Variants in PPP6R3 observed in about 807,000 individuals in gnomAD.
PPP6R3 encodes protein phosphatase 6 regulatory subunit 3, also known as serine/threonine-protein phosphatase 6 regulatory subunit 3.
A neutral mutation model predicts 110.7 loss-of-function variants in PPP6R3; 38 were observed. The observed-to-expected ratio is 0.34, with a 90% CI of 0.26 to 0.45. The LOEUF (loss-of-function observed/expected upper bound fraction) is 0.45. Ranked by LOEUF, PPP6R3 falls within the 20% of genes least tolerant of loss-of-function variation. PPP6R3 has a pLI of 1.00. For synonymous variants in PPP6R3, 369 were observed against 373.5 expected, an observed-to-expected ratio of 0.99 and a Z score of 0.14; for missense variants, 870 against 1,062.4, an observed-to-expected ratio of 0.82 and a Z score of 2.52.
chr11:68,552,459 T>C (rs186422645), intron 6 of PPP6R3, among the ~76,000 whole-genome samples: 1 of 152,340 alleles, frequency 6.6e-6, no homozygotes, highest in East Asian at 1.9e-4. Context: ...TTATCCCTCT[T>C]TGGGAGAATG....
intron 3 of PPP6R3, among the ~76,000 whole-genome samples, chr11:68,543,964 A>G (rs911772449): frequency 6.6e-6 from 1 of 152,172 alleles, no homozygotes; most frequent in Non-Finnish European, 1.5e-5. Flanking sequence ...GTGTGGGTCC[A>G]TATAGAGCAG....
chr11:68,536,964 A>G (rs1017129830), intron 2 of PPP6R3, among the ~76,000 whole-genome samples: 8 of 152,288 alleles, frequency 5.3e-5, no homozygotes, highest in African/African-American at 1.9e-4. Context: ...TTATATTTCC[A>G]TTTGTAACAA....
chr11:68,555,410 CATGTAATTTAAA>C (rs1406055977), intron 7 of PPP6R3, among the ~76,000 whole-genome samples: 2 of 152,186 alleles, frequency 1.3e-5, no homozygotes, highest in Non-Finnish European at 2.9e-5. Flanking sequence ...ATCAAAGCCA[CATGTAATTTAAA>C]ATGTTTTTGC....
At chr11:68,544,725 G>C (rs967950189) in intron 3 of PPP6R3, 113 bp from the exon 4 acceptor site, 2 of 700,474 alleles carry the variant, frequency 2.9e-6, no homozygotes, top group Non-Finnish European at 4.5e-6. Context: ...CTGATTTCCA[G>C]TAAACGATTT....
At chr11:68,539,750 C>CTA (rs1565696378) in intron 3 of PPP6R3, among the ~76,000 whole-genome samples, 1 of 152,156 alleles carries the variant, frequency 6.6e-6, no homozygotes, top group African/African-American at 2.4e-5. Flanking sequence ...GTAAACCAGA[C>CTA]TAAAAAGTCC....
chr11:68,477,737 A>ATATATATATATATAT (rs1555021085), intron 1 of PPP6R3, among the ~76,000 whole-genome samples: 2 of 64,570 alleles, frequency 3.1e-5, no homozygotes, highest in Admixed American at 1.5e-4. Flanking sequence ...TTAAAAAAAA[A>ATATATATATATATAT]AAAAATATAT....
chr11:68,525,306 T>C (rs1458981940), intron 2 of PPP6R3, among the ~76,000 whole-genome samples: 3 of 152,202 alleles, frequency 2.0e-5, no homozygotes, highest in African/African-American at 7.2e-5. Flanking sequence ...AAATTATGTT[T>C]CCACCTTTAT....
intron 16 of PPP6R3, among the ~76,000 whole-genome samples, chr11:68,589,706 G>C (rs1022855284): frequency 6.6e-6 from 1 of 152,234 alleles, no homozygotes; most frequent in Non-Finnish European, 1.5e-5. Context: ...TCAATAATTT[G>C]TTGAACCACA....
chr11:68,544,287 C>G (rs1329004641), intron 3 of PPP6R3, among the ~76,000 whole-genome samples: 2 of 152,144 alleles, frequency 1.3e-5, no homozygotes, highest in Non-Finnish European at 2.9e-5. Context: ...TCCTGTTCCC[C>G]CCTTCATTAT....
intron 7 of PPP6R3, 44 bp downstream of exon 7, chr11:68,554,301 T>G (rs749722046): frequency 7.1e-7 from 1 of 1,408,662 alleles, no homozygotes; most frequent in South Asian, 1.2e-5. Context: ...ATATTGATGC[T>G]GTTCCATGTG....
At chr11:68,529,597 C>G (rs1389846160) in intron 2 of PPP6R3, among the ~76,000 whole-genome samples, 1 of 152,148 alleles carries the variant, frequency 6.6e-6, no homozygotes, top group Non-Finnish European at 1.5e-5. Flanking sequence ...CAAGATCTAG[C>G]TCTTTGCATT....
At chr11:68,488,974 A>G (rs1207252242) in intron 1 of PPP6R3, 1 of 151,046 alleles carries the variant, frequency 6.6e-6, no homozygotes, top group Non-Finnish European at 1.5e-5. Context: ...GATTATTGAT[A>G]TAGTTGTATT....
At chr11:68,519,468 A>T (rs2099153214) in intron 1 of PPP6R3, 33 bp from the exon 2 acceptor site, 1 of 395,860 alleles carries the variant, frequency 2.5e-6, no homozygotes, top group Admixed American at 4.4e-5. Flanking sequence ...AAGAGAACAT[A>T]TGTGATTATC....
chr11:68,614,678 G>A lies in PPP6R3; in HGVS notation c.*1561G>A. Reference sequence around the variant, plus strand: ...CCCAGGACAGTGGAGTCAGCAGTAAGCCCTGGGACAGGTGGCAAGGGTGGG... The same window carrying A: ...CCCAGGACAGTGGAGTCAGCAGTAAACCCTGGGACAGGTGGCAAGGGTGGG... On this transcript the variant is annotated 3_prime_UTR_variant, in exon 24 of 24. Coordinates refer to ENST00000393800, the MANE Select transcript of PPP6R3 (RefSeq NM_001164161.2). The A allele has an allele frequency of 6.6e-7, 1 of 1,523,054 alleles. No homozygotes were observed. The allele number at this position is 1,523,054 out of a possible 1,614,324, so 94.3% of individuals were successfully genotyped here. A position where few individuals can be genotyped will look rare whatever the true frequency, so the allele number is the denominator to read the frequency against.
chr11:68,609,642 T>C (rs142082712), intron 22 of PPP6R3: 3 of 1,553,638 alleles, frequency 1.9e-6, no homozygotes, highest in East Asian at 4.9e-5. Context: ...TGTACAGTGT[T>C]ATGGGACCGT....
chr11:68,533,353 T>C (rs2099251281), intron 2 of PPP6R3, among the ~76,000 whole-genome samples: 1 of 152,186 alleles, frequency 6.6e-6, no homozygotes, highest in Non-Finnish European at 1.5e-5. Flanking sequence ...AAACTCACCA[T>C]TAAAATGTAT....
At chr11:68,523,817 A>G (rs918164250) in intron 2 of PPP6R3, among the ~76,000 whole-genome samples, 2 of 145,840 alleles carry the variant, frequency 1.4e-5, no homozygotes, top group African/African-American at 5.1e-5. Flanking sequence ...AAATCGTTTA[A>G]GTTTTTTGTC....
chr11:68,528,836 A>G (rs1167323745), intron 2 of PPP6R3, among the ~76,000 whole-genome samples: 1 of 152,128 alleles, frequency 6.6e-6, no homozygotes, highest in Non-Finnish European at 1.5e-5. Flanking sequence ...CTGTTCAACT[A>G]AGCTTCCTGC....
At chr11:68,561,945 A>T (rs898919422) in intron 8 of PPP6R3, among the ~76,000 whole-genome samples, 5 of 151,966 alleles carry the variant, frequency 3.3e-5, no homozygotes, top group Admixed American at 2.6e-4. Flanking sequence ...TATGTTTTGT[A>T]GCGATGGAGT....
Sources: gnomAD v4.1 joint callset for allele counts (sites outside exome capture counted in the v4.1 genomes callset) on GRCh38, gnomAD v4.1.1 for gene constraint, MANE v1.5 for transcripts, NCBI Gene and HGNC (gene_info 2026-07-23, HGNC 2026-07-21) for gene names.